Variants in ECD observed in about 807,000 individuals in gnomAD.
ECD encodes protein ecdysoneless homolog.
ECD carries 59 observed loss-of-function variants against 77.2 expected under a neutral mutation model. The observed-to-expected ratio is 0.76, with a 90% CI of 0.62 to 0.95. The LOEUF is 0.95. Ranked by LOEUF, ECD falls within the 40% of genes least tolerant of loss-of-function variation. The pLI, the probability that ECD is intolerant of heterozygous loss-of-function variation, is 0.00. For missense variants in ECD, 704 were observed against 763.4 expected (o/e 0.92, Z 0.92); for synonymous variants, 233 against 267.4 (o/e 0.87, Z 1.26).
intron 9 of ECD, among the ~76,000 whole-genome samples, chr10:73,141,995 G>A (rs889402188): frequency 2.5e-4 from 38 of 151,970 alleles, no homozygotes; most frequent in Non-Finnish European, 4.0e-4. Flanking sequence ...TCACTCTGTC[G>A]CCTAGGCTAG....
Position 73,139,465 on chromosome 10 carries a change from T to A in ECD, c.1265A>T (p.Gln422Leu). ...AGCTTCCTGCAGCAGCTGGTCCAGCTGATCTGGTGAGAGATCTAACCACTG... is the reference window on the plus strand; with the variant it reads ...AGCTTCCTGCAGCAGCTGGTCCAGCAGATCTGGTGAGAGATCTAACCACTG... Reference protein sequence around the residue: ...DDQWLDLSPDQLDQLLQEAVG... With the variant: ...DDQWLDLSPDLLDQLLQEAVG... The change falls in exon 11 of 14, where the codon CAG (glutamine) becomes CTG (leucine). Residue 422 changes from glutamine (Q) to leucine (L), a missense_variant. This residue lies in a region of ECD where 559 missense variants were observed against 583.7 expected (regional missense o/e 0.96). Transcript: ENST00000372979. 1 of 1,614,068 alleles carries A rather than the reference T, an allele frequency of 6.2e-7. No individual in the cohort carries two copies. Among genetic ancestry groups the A allele is most frequent in the Non-Finnish European group, 8.5e-7 (1 of 1,180,014 alleles).
rs1026378644 is a variant in ECD, at chr10:73,142,816, G to C, written c.1128-3079C>G. The stretch of plus-strand genomic sequence containing the variant: ...TTTCTATTTCTTGTATTTGCTGTCT[G>C]TCCTTTTGCTGGAATGTTATTCCCC... On this transcript the variant is annotated intron_variant, in intron 9 of 13. Coordinates refer to ENST00000372979, the MANE Select transcript of ECD (RefSeq NM_007265.3). Among the ~76,000 whole-genome samples, 5 of 151,922 alleles carry C rather than the reference G, an allele frequency of 3.3e-5. No individual in the cohort carries two copies. In the East Asian group the frequency reaches 9.6e-4, roughly 29 times the overall value.
rs1234837546 is a variant in ECD, at chr10:73,157,133, T to A, written c.324-478A>T. ...GGTATGATCTCGGCTCACTGCAACC[T>A]CCACCTCTTGTTTTCAGGCAATTAT... is the stretch of plus-strand genomic sequence containing the variant. On this transcript the variant is annotated intron_variant, in intron 3 of 13. Transcript: ENST00000372979. 3.3e-5 allele frequency among the ~76,000 whole-genome samples: 5 copies of A among 151,882 alleles called. No individual in the cohort carries two copies. The South Asian group carries it at 8.3e-4, about 25-fold the overall frequency.
Position 73,163,881 on chromosome 10 carries a change from G to A in ECD, c.57C>T (p.Phe19=), listed in dbSNP as rs1389260606. The A allele has an allele frequency of 6.2e-7, 1 of 1,614,036 alleles. No homozygotes were observed. The highest frequency in any genetic ancestry group is 1.3e-5 in the African/African-American group (1 of 74,932). The part of the protein sequence containing the change: ...TMEDTVEYCL[F]LIPDESRDSD... ...AGTCCCTTGACTCATCTGGTATCAG[G>A]AACAGGCAGTACTCCACTGTGTCTT... Residue 19 remains phenylalanine (F), a synonymous_variant, in exon 2 of 14, where the codon TTC becomes TTT. Coordinates refer to ENST00000372979, the MANE Select transcript of ECD (RefSeq NM_007265.3).
intron 8 of ECD, among the ~76,000 whole-genome samples, chr10:73,147,769 T>C (rs1449251592): frequency 6.6e-6 from 1 of 152,108 alleles, no homozygotes; most frequent in Non-Finnish European, 1.5e-5. Flanking sequence ...CAGTTTGCAA[T>C]GTTACCAGCA....
At chr10:73,143,610 G>C (rs544322689) in intron 9 of ECD, among the ~76,000 whole-genome samples, 2 of 152,078 alleles carry the variant, frequency 1.3e-5, no homozygotes, top group East Asian at 3.9e-4. Flanking sequence ...TTTTGATACA[G>C]GCATGTAATG....
intron 8 of ECD, among the ~76,000 whole-genome samples, chr10:73,146,833 C>A (rs1312403956): frequency 6.6e-6 from 1 of 151,902 alleles, no homozygotes; most frequent in South Asian, 2.1e-4. Context: ...AAACAAAGTA[C>A]AGAAAGTTTG....
rs775771272 is a variant in ECD, at chr10:73,146,377, AG to A, written c.1042-17del. ...CTATCAGTCCCTTAAAAAAAAAAAA[AG>A]GTCTATCAGAACATTACTCACAAGT... On this transcript the variant is annotated splice_polypyrimidine_tract_variant and intron_variant, in intron 8 of 13. Transcript: ENST00000372979. The A allele has an allele frequency of 2.0e-6, 3 of 1,465,982 alleles. No homozygotes were observed. Among genetic ancestry groups the A allele is most frequent in the Non-Finnish European group, 9.3e-7 (1 of 1,071,844 alleles). 90.8% of individuals were successfully genotyped at this position (1,465,982 alleles called of 1,614,324 possible).
chr10:73,139,316 G>A lies in ECD; in HGVS notation c.1414C>T (p.Leu472=). Residue 472 remains leucine, a synonymous_variant, in exon 11 of 14, where the codon CTG becomes TTG. Coordinates refer to ENST00000372979, the MANE Select transcript of ECD (RefSeq NM_007265.3). ...TACTTTAACACAAATTACCGAGGCA[G>A]CTCTGCTCCCTTGTGGGTTGAGACT... ...SKVSTHKGAE[L]PREPSEAPIT... The A allele has an allele frequency of 6.2e-7, 1 of 1,611,334 alleles. No individual in the cohort carries two copies. Among genetic ancestry groups the A allele is most frequent in the South Asian group, 1.1e-5 (1 of 90,398 alleles).
At chr10:73,153,188 G>A (rs1843238352) in intron 6 of ECD, among the ~76,000 whole-genome samples, 1 of 151,724 alleles carries the variant, frequency 6.6e-6, no homozygotes, top group South Asian at 2.1e-4. Flanking sequence ...AAACCTCCTG[G>A]GGTCAAGCAA....
rs1289274506 is a variant in ECD, at chr10:73,136,745, G to T, written c.1663C>A (p.His555Asn). Residue 555 changes from histidine (H) to asparagine (N), a missense_variant, in exon 13 of 14, where the codon CAC becomes AAC. This residue lies in a region of ECD where 142 missense variants were observed against 163.6 expected (regional missense o/e 0.87). Transcript: ENST00000372979. The part of the protein sequence containing the change: ...YMAQMDQELA[H>N]TCISKSFTTR... ...GTGAAACTTTTGCTGATGCAGGTGT[G>T]TGCTAGTTCCTGGTCCATCTGGGCC... 4 of 1,613,936 alleles carry T rather than the reference G, an allele frequency of 2.5e-6. No homozygotes were observed. Among genetic ancestry groups the T allele is most frequent in the African/African-American group, 1.3e-5 (1 of 74,906 alleles).
At chr10:73,166,490 A>C (rs1362571065) in intron 1 of ECD, among the ~76,000 whole-genome samples, 1 of 152,168 alleles carries the variant, frequency 6.6e-6, no homozygotes, top group African/African-American at 2.4e-5. Flanking sequence ...TGCCTGTCTT[A>C]TGGATAACAG....
At chr10:73,142,139 C>A (rs1293335349) in intron 9 of ECD, among the ~76,000 whole-genome samples, 2 of 151,722 alleles carry the variant, frequency 1.3e-5, no homozygotes, top group African/African-American at 4.8e-5. Flanking sequence ...ATTTGAGTAG[C>A]TGGGATTACA....
At chr10:73,147,571 T>C (rs1843146338) in intron 8 of ECD, among the ~76,000 whole-genome samples, 1 of 152,024 alleles carries the variant, frequency 6.6e-6, no homozygotes, top group African/African-American at 2.4e-5. Flanking sequence ...AAATACCATA[T>C]ATATACTATA....
At chr10:73,162,451 A>G (rs1843392900) in intron 2 of ECD, among the ~76,000 whole-genome samples, 1 of 152,178 alleles carries the variant, frequency 6.6e-6, no homozygotes, top group South Asian at 2.1e-4. Flanking sequence ...TTTCTAGAGG[A>G]TGGATAAAGG....
intron 2 of ECD, among the ~76,000 whole-genome samples, chr10:73,161,624 T>C (rs1450799472): frequency 6.6e-6 from 1 of 152,202 alleles, no homozygotes; most frequent in Non-Finnish European, 1.5e-5. Context: ...TTAAAGAATT[T>C]GACACCAATC....
intron 11 of ECD, among the ~76,000 whole-genome samples, 156 bp from the exon 12 acceptor site, chr10:73,138,226 G>A (rs1458195603): frequency 6.6e-6 from 1 of 152,188 alleles, no homozygotes; most frequent in Non-Finnish European, 1.5e-5. Context: ...AAATCCTTGA[G>A]TTTACTGGCC....
chr10:73,154,124 C>T, intron 6 of ECD, 132 bp downstream of exon 6: 1 of 946,838 alleles, frequency 1.1e-6, no homozygotes, highest in Non-Finnish European at 1.5e-6. Flanking sequence ...AGAATATTTC[C>T]TTTTTTTTCT....
intron 13 of ECD, among the ~76,000 whole-genome samples, chr10:73,135,668 C>T (rs113253356): frequency 0.072 from 10,886 of 151,796 alleles, 643 homozygotes; most frequent in East Asian, 0.3. Flanking sequence ...GTGCAGTGAG[C>T]CAAGATCGTG....
Sources: gnomAD v4.1 joint callset for allele counts (sites outside exome capture counted in the v4.1 genomes callset) on GRCh38, gnomAD v4.1.1 for gene constraint, gnomAD v4.1.1 regional missense constraint, MANE v1.5 for transcripts, NCBI Gene and HGNC (gene_info 2026-07-23, HGNC 2026-07-21) for gene names.